The following PDE4D variants were observed in gnomAD, a reference collection of about 807,000 sequenced individuals.
PDE4D encodes the protein 3',5'-cyclic-AMP phosphodiesterase 4D.
Under a neutral mutation model 87.4 loss-of-function variants are expected in PDE4D, and 24 were observed. That is an observed-to-expected ratio of 0.27 (90% confidence interval 0.20 to 0.39). The LOEUF is 0.39. Ranked by LOEUF, PDE4D falls within the 10% of genes least tolerant of loss-of-function variation. The pLI is 1.00. For missense variants in PDE4D, 714 were observed against 1,041.0 expected, an observed-to-expected ratio of 0.69 and a Z score of 4.32; for synonymous variants, 384 against 383.2, an observed-to-expected ratio of 1.00 and a Z score of -0.02.
chr5:60,264,455 C>A (rs936072748), intron 1 of PDE4D, among the ~76,000 whole-genome samples: 1 of 152,186 alleles, frequency 6.6e-6, no homozygotes, highest in Non-Finnish European at 1.5e-5. Context: ...CCAGGCCCCA[C>A]GCTCTCATTG....
intron 2 of PDE4D, among the ~76,000 whole-genome samples, chr5:60,115,732 A>G (rs926907487): frequency 2.6e-5 from 4 of 152,114 alleles, no homozygotes; most frequent in African/African-American, 9.7e-5. Flanking sequence ...TAGTCACTTG[A>G]GATCTAGAAA....
chr5:60,431,347 C>T lies in PDE4D; in HGVS notation c.-90+56595G>A, dbSNP rs374615760. On this transcript the variant is annotated intron_variant, in intron 1 of 16. Coordinates refer to the PDE4D transcript ENST00000502484. ...GGTTGCCAGGCAGAGGGTCTCCTCA[C>T]TTCTCAGATGGGGCGGCCGGGCAGA... Among the ~76,000 whole-genome samples the T allele has an allele frequency of 2.1e-4, 32 of 151,972 alleles. No homozygotes were observed. In the East Asian group the frequency reaches 2.6e-3, roughly 12 times the overall value.
chr5:60,009,749 G>T (rs944086489), intron 2 of PDE4D, among the ~76,000 whole-genome samples: 4 of 151,990 alleles, frequency 2.6e-5, no homozygotes, highest in Admixed American at 2.6e-4. Flanking sequence ...ATCTGTCTTC[G>T]CTGTGGTTGG....
At position 58,974,777 on chromosome 5, in the gene PDE4D, A is replaced by C; in HGVS notation, c.2317T>G (p.Ser773Ala). Residue 773 changes from serine to alanine, a missense_variant, in exon 15 of 15, where the codon TCA (serine) becomes GCA (alanine). Coordinates refer to ENST00000340635, the MANE Select transcript of PDE4D (RefSeq NM_001104631.2). ...SDSKTLCTQD[S>A]ESTEIPLDEQ... ...TCAAGGGGAATTTCAGTAGACTCTG[A>C]GTCTTGAGTACAAAGAGTCTTGGAG... 3 of 1,613,574 alleles carry C rather than the reference A, an allele frequency of 1.9e-6. No individual in the cohort carries two copies. The highest frequency in any genetic ancestry group is 2.5e-6 in the Non-Finnish European group (3 of 1,179,616).
At chr5:59,799,816 A>G (rs1479260661) in intron 1 of PDE4D, among the ~76,000 whole-genome samples, 3 of 152,232 alleles carry the variant, frequency 2.0e-5, no homozygotes, top group South Asian at 2.1e-4. Flanking sequence ...TAGATACCCA[A>G]GGAAGTACAG....
Position 59,893,456 on chromosome 5 carries a change from T to A in PDE4D, c.167A>T (p.His56Leu). ...CGAGGGTGGCGGCGGCGGGGGCAGG[T>A]GGTGATGGGGATGCAGGAGGCGGAA... The part of the protein sequence containing the change: ...PQFRLLHPHH[H>L]LPPPPPPSPQ... The change falls in exon 1 of 15, where the codon CAC becomes CTC. Residue 56 changes from histidine to leucine, a missense_variant. By Grantham distance (99) the His-to-Leu change is moderately conservative. Around this residue, in one of 7 missense-constraint regions of PDE4D, gnomAD observed 268 missense variants for 272.9 expected, o/e 0.98. Transcript: ENST00000340635. The A allele has an allele frequency of 2.6e-6, 4 of 1,517,034 alleles. No homozygotes were observed. Among genetic ancestry groups the A allele is most frequent in the Non-Finnish European group, 3.5e-6 (4 of 1,130,540 alleles). 94.0% of individuals were successfully genotyped at this position (1,517,034 alleles called of 1,614,324 possible).
intron 1 of PDE4D, among the ~76,000 whole-genome samples, chr5:59,459,072 T>G (rs1357948024): frequency 6.6e-6 from 1 of 152,170 alleles, no homozygotes; most frequent in Non-Finnish European, 1.5e-5. Context: ...TAAAAACTGT[T>G]TTTAATGGCC....
chr5:59,660,837 A>G (rs1466538279), intron 1 of PDE4D, among the ~76,000 whole-genome samples: 1 of 152,108 alleles, frequency 6.6e-6, no homozygotes, highest in East Asian at 1.9e-4. Context: ...GTTATCACCA[A>G]TTCTGAATTC....
At chr5:59,785,846 T>C (rs916472982) in intron 1 of PDE4D, among the ~76,000 whole-genome samples, 1 of 152,216 alleles carries the variant, frequency 6.6e-6, no homozygotes, top group African/African-American at 2.4e-5. Flanking sequence ...GTGGTTTACT[T>C]GTGATGCAAC....
At chr5:59,716,897 C>T (rs1324266158) in intron 1 of PDE4D, among the ~76,000 whole-genome samples, 2 of 152,148 alleles carry the variant, frequency 1.3e-5, no homozygotes, top group Admixed American at 6.5e-5. Flanking sequence ...ACCAGAAACT[C>T]CAGGAAATCA....
chr5:59,217,977 A>T, intron 1 of PDE4D: 1 of 483,062 alleles, frequency 2.1e-6, no homozygotes, highest in East Asian at 5.9e-5. Context: ...AAAATAAAGG[A>T]TGAATGACTA....
intron 3 of PDE4D, among the ~76,000 whole-genome samples, chr5:59,910,398 T>C (rs940240691): frequency 6.6e-6 from 1 of 152,238 alleles, no homozygotes; most frequent in Non-Finnish European, 1.5e-5. Flanking sequence ...GCACATCGTC[T>C]ACTTTAACAA....
intron 1 of PDE4D, among the ~76,000 whole-genome samples, chr5:59,746,020 CTATT>C (rs933175518): frequency 3.3e-5 from 5 of 152,028 alleles, no homozygotes; most frequent in African/African-American, 1.2e-4. Flanking sequence ...CACATAAAAC[CTATT>C]TATTTAAGAA....
chr5:59,112,483 C>A (rs1412081070), intron 5 of PDE4D, among the ~76,000 whole-genome samples: 1 of 152,138 alleles, frequency 6.6e-6, no homozygotes, highest in Non-Finnish European at 1.5e-5. Flanking sequence ...ACAGCCACTG[C>A]AATCATCCAA....
chr5:60,319,816 A>G (rs1449006186), intron 1 of PDE4D, among the ~76,000 whole-genome samples: 1 of 152,172 alleles, frequency 6.6e-6, no homozygotes, highest in African/African-American at 2.4e-5. Context: ...TGAGCAGCAA[A>G]TGTTGCTGCC....
intron 2 of PDE4D, among the ~76,000 whole-genome samples, chr5:60,063,602 C>T (rs545744487): frequency 2.0e-5 from 3 of 152,028 alleles, no homozygotes; most frequent in African/African-American, 7.2e-5. Context: ...CGAAACAATG[C>T]TAAAATGGTT....
rs1382042805 is a variant in PDE4D, at chr5:58,969,950, G to A, written c.*4714C>T. 2.6e-5 allele frequency: 4 copies of A among 152,050 alleles called. No individual in the cohort carries two copies. Among genetic ancestry groups the A allele is most frequent in the African/African-American group, 9.7e-5 (4 of 41,378 alleles). 9.4% of individuals were successfully genotyped at this position (152,050 alleles called of 1,614,324 possible). On this transcript the variant is annotated 3_prime_UTR_variant, in exon 15 of 15. Coordinates refer to ENST00000340635, the MANE Select transcript of PDE4D (RefSeq NM_001104631.2). ...TGGCTTTATTTGGTTATGAATATCAGTACTAACTTATGATGTCACTATCCT... is the reference window on the plus strand; with the variant it reads ...TGGCTTTATTTGGTTATGAATATCAATACTAACTTATGATGTCACTATCCT...
upstream of PDE4D, among the ~76,000 whole-genome samples, chr5:59,894,212 C>T (rs992495672): frequency 1.6e-4 from 24 of 152,166 alleles, no homozygotes; most frequent in African/African-American, 5.8e-4. Context: ...ACACTGCTCC[C>T]CACTGCCCCG....
intron 5 of PDE4D, chr5:59,039,174 C>T (rs909579497): frequency 1.3e-5 from 18 of 1,359,618 alleles, no homozygotes; most frequent in Admixed American, 3.5e-5. Flanking sequence ...CTCGGGGAGG[C>T]ACGGTCTCTC....
Sources: gnomAD v4.1 joint callset for allele counts (sites outside exome capture counted in the v4.1 genomes callset) on GRCh38, gnomAD v4.1.1 for gene constraint, gnomAD v4.1.1 regional missense constraint, MANE v1.5 for transcripts, NCBI Gene and HGNC (gene_info 2026-07-23, HGNC 2026-07-21) for gene names.